FIRRM: variants seen among roughly 807,000 people sequenced by gnomAD.
FIRRM encodes FIGNL1-interacting regulator of recombination and mitosis.
At chr1:169,832,498 C>A in the FIRRM span, 46 of 1,610,482 alleles carry the variant, frequency 2.9e-5, no homozygotes, top group Non-Finnish European at 3.7e-5. Flanking sequence ...CATGGCACCA[C>A]CCCATCAGGC....
chr1:169,812,321 C>T, the FIRRM span, among the ~76,000 whole-genome samples: 1 of 152,036 alleles, frequency 6.6e-6, no homozygotes, highest in African/African-American at 2.4e-5. Context: ...GTTGTAGGTG[C>T]CCTCAACAAC....
the FIRRM span, among the ~76,000 whole-genome samples, chr1:169,848,259 C>T: frequency 6.6e-6 from 1 of 152,148 alleles, no homozygotes; most frequent in Non-Finnish European, 1.5e-5. Flanking sequence ...TTATACTGCA[C>T]TGGCCTGGCA....
At chr1:169,830,651 C>T in the FIRRM span, 2 of 1,556,008 alleles carry the variant, frequency 1.3e-6, no homozygotes, top group Non-Finnish European at 1.8e-6. Context: ...CCTTATGTTT[C>T]TGAGTAATTG....
At chr1:169,808,028 T>C in the FIRRM span, 116,498 of 1,132,738 alleles carry the variant, frequency 0.1, 7,089 homozygotes, top group Admixed American at 0.24. Flanking sequence ...TTTAAGAGGA[T>C]TTTAATTTAT....
At chr1:169,803,256 A>G in the FIRRM span, 64 of 1,613,906 alleles carry the variant, frequency 4.0e-5, no homozygotes, top group African/African-American at 7.5e-4. Context: ...AAATATTCAG[A>G]GTCTCCCCTC....
At chr1:169,813,602 CAG>C in the FIRRM span, among the ~76,000 whole-genome samples, 1 of 152,098 alleles carries the variant, frequency 6.6e-6, no homozygotes, top group African/African-American at 2.4e-5. Context: ...TCTCTGAAAA[CAG>C]AACGTTTTAT....
the FIRRM span, among the ~76,000 whole-genome samples, chr1:169,836,408 T>C: frequency 0.066 from 10,126 of 152,284 alleles, 433 homozygotes; most frequent in Non-Finnish European, 0.099. Context: ...GATTTGTGGC[T>C]TACCTTTGTG....
the FIRRM span, among the ~76,000 whole-genome samples, chr1:169,807,059 T>C: frequency 6.6e-6 from 1 of 152,214 alleles, no homozygotes; most frequent in East Asian, 1.9e-4. Context: ...ATCATGTTAC[T>C]CTATTGCTTG....
the FIRRM span, chr1:169,832,325 G>A: frequency 2.6e-6 from 2 of 781,154 alleles, no homozygotes; most frequent in Non-Finnish European, 4.5e-6. Context: ...CCTAGAAAGA[G>A]CTGCTATTAA....
chr1:169,807,933 A>G, the FIRRM span: 1 of 1,598,884 alleles, frequency 6.3e-7, no homozygotes, highest in Non-Finnish European at 8.5e-7. Context: ...TGCACAGGTA[A>G]AATTTGGGCT....
chr1:169,822,092 CT>C, the FIRRM span, among the ~76,000 whole-genome samples: 1 of 152,088 alleles, frequency 6.6e-6, no homozygotes, highest in Non-Finnish European at 1.5e-5. Context: ...GAAAACTTTG[CT>C]TCCCTACACA....
the FIRRM span, among the ~76,000 whole-genome samples, chr1:169,808,104 G>A: frequency 6.6e-6 from 1 of 151,994 alleles, no homozygotes; most frequent in Admixed American, 6.5e-5. Flanking sequence ...TTCACCCAGA[G>A]CATTGTATTA....
chr1:169,793,600 C>G, the FIRRM span: 1 of 1,614,158 alleles, frequency 6.2e-7, no homozygotes, highest in East Asian at 2.2e-5. Flanking sequence ...AGACTGACAG[C>G]TCTTTTGAGG....
At chr1:169,820,288 C>T in the FIRRM span, among the ~76,000 whole-genome samples, 18 of 152,312 alleles carry the variant, frequency 1.2e-4, no homozygotes, top group African/African-American at 4.1e-4. Context: ...TGCAGTGACA[C>T]TGAATCAAGT....
chr1:169,852,109 G>C, the FIRRM span: 1 of 770,436 alleles, frequency 1.3e-6, no homozygotes, highest in Non-Finnish European at 2.1e-6. Context: ...TAAGAAGTGG[G>C]ACTACACCAT....
chr1:169,835,261 A>T, the FIRRM span, among the ~76,000 whole-genome samples: 1 of 152,206 alleles, frequency 6.6e-6, no homozygotes, highest in Non-Finnish European at 1.5e-5. Context: ...GGTGTCTATG[A>T]TGCTAATTTG....
At chr1:169,819,710 T>G in the FIRRM span, among the ~76,000 whole-genome samples, 1 of 152,276 alleles carries the variant, frequency 6.6e-6, no homozygotes, top group East Asian at 1.9e-4. Flanking sequence ...TTACCCGACT[T>G]TAGCCATGCC....
chr1:169,793,089 T>C, the FIRRM span: 3 of 1,614,172 alleles, frequency 1.9e-6, no homozygotes, highest in Admixed American at 1.7e-5. Context: ...AATGCAGTTA[T>C]ACCTAGTAAA....
At chr1:169,797,842 G>A in the FIRRM span, among the ~76,000 whole-genome samples, 8 of 152,126 alleles carry the variant, frequency 5.3e-5, no homozygotes, top group East Asian at 1.9e-4. Context: ...GTGCCCGGCC[G>A]GGTTATTCAT....
Sources: allele counts gnomAD v4.1 joint callset (sites outside exome capture counted in the v4.1 genomes callset), GRCh38; gene constraint gnomAD v4.1.1; transcripts MANE v1.5; gene names NCBI Gene and HGNC (gene_info 2026-07-23, HGNC 2026-07-21).